Variants in ALKBH5 observed in about 807,000 individuals in gnomAD.
ALKBH5 encodes the protein RNA demethylase ALKBH5.
ALKBH5 carries 2 observed loss-of-function variants against 32.1 expected under a neutral mutation model. The observed-to-expected ratio is 0.06, with a 90% confidence interval of 0.03 to 0.20. The LOEUF is 0.20. ALKBH5 is among the 10% of genes least tolerant of loss of function. ALKBH5 has a pLI of 1.00. For missense variants in ALKBH5, 352 were observed against 559.5 expected (o/e 0.63, Z 3.74); for synonymous variants, 300 against 231.7 (o/e 1.29, Z -2.68).
rs57735712 is a variant in ALKBH5 at position 18,201,794 on chromosome 17, AAGATAGATAGATAGATAGATAGATAGAT to A, written c.852-5004_852-4977del. 1.8e-4 allele frequency among the ~76,000 whole-genome samples: 24 copies of A among 134,516 alleles called. No homozygotes were observed. In the South Asian group the frequency reaches 2.8e-3, roughly 15 times the overall value. The allele number at this position is 134,516 out of a possible 152,430, so 88.2% of individuals were successfully genotyped here. A position where few individuals can be genotyped will look rare whatever the true frequency, so the allele number is the denominator to read the frequency against. On this transcript the variant is annotated intron_variant, in intron 2 of 3. Transcript: ENST00000399138. ...AGATAGATAGATAGATAGGATAGATAAGATAGATAGATAGATAGATAGATAGATAGATAGATAGATAGATGATAGATAG... is the reference window on the plus strand; with the variant it reads ...AGATAGATAGATAGATAGGATAGATAAGATAGATAGATAGATGATAGATAG...
At chr17:18,199,952 C>G (rs1436565985) in intron 2 of ALKBH5, among the ~76,000 whole-genome samples, 2 of 151,876 alleles carry the variant, frequency 1.3e-5, no homozygotes, top group South Asian at 4.2e-4. Flanking sequence ...CAAGAATTAG[C>G]TGGGCATAGT....
At chr17:18,190,993 C>T (rs2047171004) in intron 1 of ALKBH5, among the ~76,000 whole-genome samples, 1 of 152,114 alleles carries the variant, frequency 6.6e-6, no homozygotes, top group African/African-American at 2.4e-5. Flanking sequence ...AGCAGGCAAG[C>T]CAGATGGCAT....
intron 2 of ALKBH5, among the ~76,000 whole-genome samples, chr17:18,196,846 AG>A (rs1160855623): frequency 6.6e-6 from 1 of 152,190 alleles, no homozygotes; most frequent in Non-Finnish European, 1.5e-5. Context: ...ATTCTTCTGC[AG>A]GGGGGATTGG....
At chr17:18,193,273 C>T (rs1056163506) in intron 1 of ALKBH5, among the ~76,000 whole-genome samples, 2 of 150,976 alleles carry the variant, frequency 1.3e-5, no homozygotes, top group Admixed American at 6.6e-5. Context: ...TTGGGCCGGG[C>T]GCGGTGGCTC....
At chr17:18,205,451 C>T (rs1384336847) in intron 2 of ALKBH5, among the ~76,000 whole-genome samples, 1 of 152,230 alleles carries the variant, frequency 6.6e-6, no homozygotes, top group Admixed American at 6.5e-5. Flanking sequence ...TACCTGCCTA[C>T]CCACCAGTTT....
intron 1 of ALKBH5, among the ~76,000 whole-genome samples, chr17:18,190,896 CTG>C (rs1356057520): frequency 6.6e-6 from 1 of 152,218 alleles, no homozygotes; most frequent in African/African-American, 2.4e-5. Flanking sequence ...GAGAGTCACT[CTG>C]AGGTATAGGA....
intron 2 of ALKBH5, among the ~76,000 whole-genome samples, chr17:18,201,034 C>T (rs1047160883): frequency 1.3e-5 from 2 of 152,098 alleles, no homozygotes; most frequent in African/African-American, 4.8e-5. Context: ...GTCAGGAGAC[C>T]TTCCATGAGA....
rs2142464370 is a variant in ALKBH5 at position 18,184,162 on chromosome 17, G to A, written c.-82G>A. ...GCGCTAAGGACCCCCCTCCCTCCGG[G>A]GGCCCCGGGGCGCGTCCCCTTAGAG... On this transcript the variant is annotated 5_prime_UTR_variant, in exon 1 of 4. Transcript: ENST00000399138. The A allele has an allele frequency of 1.6e-6, 2 of 1,277,618 alleles. No homozygotes were observed. The highest frequency in any genetic ancestry group is 5.6e-5 in the East Asian group (2 of 35,408). 79.1% of individuals were successfully genotyped at this position (1,277,618 alleles called of 1,614,324 possible). A position where few individuals can be genotyped will look rare whatever the true frequency, so the allele number is the denominator to read the frequency against.
chr17:18,192,710 A>G (rs1042076228), intron 1 of ALKBH5, among the ~76,000 whole-genome samples: 1 of 152,170 alleles, frequency 6.6e-6, no homozygotes, highest in African/African-American at 2.4e-5. Flanking sequence ...ATTATGAGAG[A>G]AGGTTCTTTG....
intron 3 of ALKBH5, among the ~76,000 whole-genome samples, chr17:18,207,972 TC>T (rs1362459346): frequency 6.6e-6 from 1 of 152,050 alleles, no homozygotes; most frequent in African/African-American, 2.4e-5. Context: ...CCTGGCAGTG[TC>T]CCAGGGCACC....
At chr17:18,202,216 G>A (rs898310074) in intron 2 of ALKBH5, among the ~76,000 whole-genome samples, 2 of 152,084 alleles carry the variant, frequency 1.3e-5, no homozygotes, top group African/African-American at 2.4e-5. Flanking sequence ...GCTGAGGCAG[G>A]AGAATGGCAT....
chr17:18,208,154 C>A, intron 3 of ALKBH5, 65 bp from the exon 4 acceptor site: 19 of 1,518,766 alleles, frequency 1.3e-5, no homozygotes, highest in Non-Finnish European at 1.7e-5. Context: ...AGACGAGGTA[C>A]AGCGGTAAAG....
chr17:18,187,646 T>C (rs1383468978), intron 1 of ALKBH5, among the ~76,000 whole-genome samples: 1 of 152,232 alleles, frequency 6.6e-6, no homozygotes, highest in Non-Finnish European at 1.5e-5. Context: ...TTCTTGCACC[T>C]GCATACTTAG....
chr17:18,205,654 A>G (rs1055424699), intron 2 of ALKBH5, among the ~76,000 whole-genome samples: 1 of 152,122 alleles, frequency 6.6e-6, no homozygotes, highest in African/African-American at 2.4e-5. Context: ...CTTCCCATCT[A>G]TGTACAGTAG....
intron 1 of ALKBH5, among the ~76,000 whole-genome samples, chr17:18,188,166 TTTA>T (rs1282549947): frequency 1.3e-5 from 2 of 152,224 alleles, no homozygotes; most frequent in Non-Finnish European, 2.9e-5. Flanking sequence ...TTCATATCAC[TTTA>T]TCTGTCATTC....
Position 18,183,881 on chromosome 17 carries a change from G to C in ALKBH5, c.-363G>C, listed in dbSNP as rs965318485. 1.0e-5 allele frequency: 4 copies of C among 400,546 alleles called. No individual in the cohort carries two copies. Among genetic ancestry groups the C allele is most frequent in the Non-Finnish European group, 1.9e-5 (4 of 211,192 alleles). 24.8% of individuals were successfully genotyped at this position (400,546 alleles called of 1,614,324 possible). ...GGACGTCGGGCTGGCTGCCCGTGACGTCGTGCGGAGAGCTTTAAAGTGCGG... is the reference window on the plus strand; with the variant it reads ...GGACGTCGGGCTGGCTGCCCGTGACCTCGTGCGGAGAGCTTTAAAGTGCGG... On this transcript the variant is annotated 5_prime_UTR_variant, in exon 1 of 4. Coordinates refer to ENST00000399138, the MANE Select transcript of ALKBH5 (RefSeq NM_017758.4).
rs1490657892 is a variant in ALKBH5, at chr17:18,208,347, C to T, written c.1136C>T (p.Ser379Phe). ...TCATACGAGTCCTCAGAGGACTGCT[C>T]TGAGGCAGCAGGCAGCCCTGCCCGA... is the stretch of plus-strand genomic sequence containing the variant. ...RKSYESSEDC[S>F]EAAGSPARKV... The change falls in exon 4 of 4, where the codon TCT (serine) becomes TTT (phenylalanine). Residue 379 changes from serine to phenylalanine, a missense_variant. Around this residue, in one of 4 missense-constraint regions of ALKBH5, gnomAD observed 124 missense variants for 142.4 expected, o/e 0.87. Transcript: ENST00000399138. 11 of 1,613,966 alleles carry T rather than the reference C, an allele frequency of 6.8e-6. No homozygotes were observed. The highest frequency in any genetic ancestry group is 9.3e-6 in the Non-Finnish European group (11 of 1,179,934).
chr17:18,201,787 G>GATAGATAGC (rs1567676646), intron 2 of ALKBH5, among the ~76,000 whole-genome samples: 1 of 59,304 alleles, frequency 1.7e-5, no homozygotes, highest in East Asian at 1.2e-3. Context: ...AGATAGATAG[G>GATAGATAGC]ATAGATAAGA....
At chr17:18,193,452 CAGG>C (rs1230741429) in intron 1 of ALKBH5, among the ~76,000 whole-genome samples, 2 of 151,530 alleles carry the variant, frequency 1.3e-5, no homozygotes, top group Admixed American at 6.6e-5. Context: ...GAGGCTGAGG[CAGG>C]AGAATCGCTT....
Sources: allele counts gnomAD v4.1 joint callset (sites outside exome capture counted in the v4.1 genomes callset), GRCh38; gene constraint gnomAD v4.1.1; regional missense constraint gnomAD v4.1.1; transcripts MANE v1.5; gene names NCBI Gene and HGNC (gene_info 2026-07-23, HGNC 2026-07-21).